Variants in HMCN1 observed in about 807,000 individuals in gnomAD.
HMCN1 encodes hemicentin 1.
Under a neutral mutation model 625.9 loss-of-function variants are expected in HMCN1, and 321 were observed. That is an observed-to-expected ratio of 0.51 (90% confidence interval 0.47 to 0.56). HMCN1 has a LOEUF of 0.56. HMCN1 is among the 20% of genes least tolerant of loss of function. The pLI is 0.00. For missense variants in HMCN1, 6,588 were observed against 6,887.3 expected (o/e 0.96, Z 1.54); for synonymous variants, 2,425 against 2,417.6 (o/e 1.00, Z -0.09).
chr1:185,845,932 T>C (rs74133688), intron 1 of HMCN1, 94 bp from the exon 2 acceptor site: 5 of 776,982 alleles, frequency 6.4e-6, no homozygotes, highest in Admixed American at 5.5e-5. Context: ...TAAGTAACCA[T>C]GTACTGCAAG....
chr1:186,078,011 T>G, intron 54 of HMCN1, 96 bp from the exon 55 acceptor site: 1 of 843,018 alleles, frequency 1.2e-6, no homozygotes. Flanking sequence ...TGAAAGAAAA[T>G]GTAAGGCAGT....
chr1:185,834,032 A>T (rs955219644), intron 1 of HMCN1, among the ~76,000 whole-genome samples: 1 of 152,128 alleles, frequency 6.6e-6, no homozygotes, highest in Non-Finnish European at 1.5e-5. Flanking sequence ...TAAAGTAGTG[A>T]TTTCTGTATA....
At chr1:186,041,954 C>A (rs1656238065) in intron 40 of HMCN1, among the ~76,000 whole-genome samples, 1 of 152,032 alleles carries the variant, frequency 6.6e-6, no homozygotes, top group South Asian at 2.1e-4. Context: ...AAAATTTTTA[C>A]CTCCAGACAA....
chr1:186,144,414 A>T, intron 90 of HMCN1, 71 bp downstream of exon 90: 1 of 1,600,122 alleles, frequency 6.2e-7, no homozygotes, highest in Non-Finnish European at 8.6e-7. Context: ...GTATGTCAAC[A>T]AGAATCTATC....
intron 1 of HMCN1, among the ~76,000 whole-genome samples, chr1:185,831,837 A>T (rs1660879249): frequency 6.6e-6 from 1 of 152,216 alleles, no homozygotes; most frequent in Non-Finnish European, 1.5e-5. Context: ...CCTTAAAAGA[A>T]ATAAAAAACC....
At chr1:186,066,848 C>T (rs1658148021) in intron 49 of HMCN1, among the ~76,000 whole-genome samples, 2 of 152,124 alleles carry the variant, frequency 1.3e-5, no homozygotes, top group Admixed American at 1.3e-4. Context: ...GCTTGTGTTA[C>T]TCTACATATT....
rs190808757 is a variant in HMCN1, at chr1:186,067,318, C to T, written c.7706-516C>T. Among the ~76,000 whole-genome samples the T allele has an allele frequency of 8.9e-4, 135 of 152,264 alleles. 1 individual carries two copies. The highest frequency in any genetic ancestry group is 6.8e-3 in the Middle Eastern group (2 of 294). ...GTACCTGTCTCAGCTATCCTTGCTTCCAATATTGATCCACTTGAGTTCATC... is the reference window on the plus strand; with the variant it reads ...GTACCTGTCTCAGCTATCCTTGCTTTCAATATTGATCCACTTGAGTTCATC... On this transcript the variant is annotated intron_variant, in intron 49 of 106. Transcript: ENST00000271588.
chr1:186,105,433 A>G (rs1433046326), intron 69 of HMCN1, among the ~76,000 whole-genome samples: 2 of 152,156 alleles, frequency 1.3e-5, no homozygotes, highest in African/African-American at 2.4e-5. Flanking sequence ...TGCCTGGTAC[A>G]TTATGGATGT....
chr1:185,833,246 G>GA (rs1408918601), intron 1 of HMCN1, among the ~76,000 whole-genome samples: 1 of 152,142 alleles, frequency 6.6e-6, no homozygotes, highest in Non-Finnish European at 1.5e-5. Context: ...TCCTCCACCA[G>GA]AAAAATACCT....
At chr1:186,169,604 A>AT (rs1197048609) in intron 100 of HMCN1, among the ~76,000 whole-genome samples, 1 of 152,152 alleles carries the variant, frequency 6.6e-6, no homozygotes, top group East Asian at 1.9e-4. Context: ...TATCTAATAA[A>AT]TGGTGAGAAA....
Position 186,065,272 on chromosome 1 carries a change from T to C in HMCN1, c.7548T>C (p.Asp2516=). Residue 2516 remains aspartate (D), a synonymous_variant, in exon 49 of 107, where the codon GAT becomes GAC. Transcript: ENST00000271588. ...TGCCAGAAATTACATGGCACAAAGATGGGCAGCCCCTCCAAGAAGATGAAG... is the reference window on the plus strand; with the variant it reads ...TGCCAGAAATTACATGGCACAAAGACGGGCAGCCCCTCCAAGAAGATGAAG... ...NPVPEITWHK[D]GQPLQEDEAH... is the part of the protein sequence containing the mutation. 1 of 1,612,526 alleles carries C rather than the reference T, an allele frequency of 6.2e-7. No homozygotes were observed. Among genetic ancestry groups the C allele is most frequent in the Non-Finnish European group, 8.5e-7 (1 of 1,179,822 alleles).
At chr1:186,066,489 T>TA (rs1241472375) in intron 49 of HMCN1, among the ~76,000 whole-genome samples, 1 of 152,150 alleles carries the variant, frequency 6.6e-6, no homozygotes, top group Non-Finnish European at 1.5e-5. Context: ...TCCTTGCACT[T>TA]ACACCCTCGA....
intron 79 of HMCN1, 34 bp from the exon 80 acceptor site, chr1:186,119,977 T>C (rs1256090796): frequency 6.2e-7 from 1 of 1,613,980 alleles, no homozygotes; most frequent in Non-Finnish European, 8.5e-7. Flanking sequence ...AGGCTTTTTT[T>C]TTTCCCCACT....
At chr1:186,117,264 C>T in intron 76 of HMCN1, 149 bp downstream of exon 76, 1 of 1,183,536 alleles carries the variant, frequency 8.4e-7, no homozygotes, top group Non-Finnish European at 1.2e-6. Flanking sequence ...TATGGGTAAA[C>T]TAGTGTCATG....
intron 4 of HMCN1, among the ~76,000 whole-genome samples, chr1:185,871,668 T>A (rs1207890412): frequency 6.6e-6 from 1 of 152,122 alleles, no homozygotes; most frequent in African/African-American, 2.4e-5. Context: ...AAAATTCAAA[T>A]CCTGGCAATG....
rs367857584 is a variant in HMCN1 at position 185,845,105 on chromosome 1, T to C, written c.269-921T>C. 6.0e-4 allele frequency among the ~76,000 whole-genome samples: 91 copies of C among 152,324 alleles called. 1 individual carries two copies. The highest frequency in any genetic ancestry group is 2.1e-3 in the African/African-American group (86 of 41,578). On this transcript the variant is annotated intron_variant, in intron 1 of 106. Transcript: ENST00000271588. ...GAAGGTAGTTATGGTCAAAGCCAGCTTAGGAGAATGGCGATAGCCAGGCTC... is the reference window on the plus strand; with the variant it reads ...GAAGGTAGTTATGGTCAAAGCCAGCCTAGGAGAATGGCGATAGCCAGGCTC...
At chr1:185,888,793 C>A (rs1353420171) in intron 4 of HMCN1, among the ~76,000 whole-genome samples, 1 of 144,704 alleles carries the variant, frequency 6.9e-6, no homozygotes, top group Non-Finnish European at 1.5e-5. Flanking sequence ...GCGATGCGGG[C>A]TCTTTTTTGG....
rs538114566 is a variant in HMCN1, at chr1:185,818,080, A to G, written c.269-27946A>G. Among the ~76,000 whole-genome samples the G allele has an allele frequency of 2.6e-5, 4 of 152,236 alleles. No homozygotes were observed. The East Asian group carries it at 7.7e-4, about 29-fold the overall frequency. ...CTGGACTTCTCCAGAAGCCTTCCTTAGATTTCCCCACCTTTATGAGGCAGG... is the reference window on the plus strand; with the variant it reads ...CTGGACTTCTCCAGAAGCCTTCCTTGGATTTCCCCACCTTTATGAGGCAGG... On this transcript the variant is annotated intron_variant, in intron 1 of 106. Transcript: ENST00000271588.
intron 11 of HMCN1, among the ~76,000 whole-genome samples, chr1:185,943,814 G>A (rs922852175): frequency 3.3e-5 from 5 of 152,112 alleles, no homozygotes; most frequent in African/African-American, 1.2e-4. Context: ...GTAACCCTTC[G>A]TCTTTCTGGT....
Sources: gnomAD v4.1 joint callset for allele counts (sites outside exome capture counted in the v4.1 genomes callset) on GRCh38, gnomAD v4.1.1 for gene constraint, MANE v1.5 for transcripts, NCBI Gene and HGNC (gene_info 2026-07-23, HGNC 2026-07-21) for gene names.